Variants in ITPR2 observed in about 807,000 individuals in gnomAD.
ITPR2 encodes inositol 1,4,5-trisphosphate-gated calcium channel ITPR2.
In ITPR2, 207 loss-of-function variants were observed where a neutral mutation model predicts 317.1. The ratio of observed to expected loss-of-function variants is 0.65; its 90% confidence interval spans 0.58 to 0.73. The LOEUF (loss-of-function observed/expected upper bound fraction) is 0.73. ITPR2 is among the 30% of genes least tolerant of loss of function. The pLI, the probability that ITPR2 is intolerant of heterozygous loss-of-function variation, is 0.00. For synonymous variants in ITPR2, 1,156 were observed against 1,149.1 expected (o/e 1.01, Z -0.12); for missense variants, 2,613 against 3,284.0 (o/e 0.80, Z 4.99).
At chr12:26,604,697 T>C (rs779042478) in intron 26 of ITPR2, among the ~76,000 whole-genome samples, 14 of 152,132 alleles carry the variant, frequency 9.2e-5, no homozygotes, top group Non-Finnish European at 4.4e-5. Context: ...TAATGAATAT[T>C]TGGACAGAAA....
At chr12:26,743,421 C>A (rs1258147345) in intron 2 of ITPR2, among the ~76,000 whole-genome samples, 1 of 152,010 alleles carries the variant, frequency 6.6e-6, no homozygotes, top group East Asian at 1.9e-4. Flanking sequence ...TGAGCTCGCA[C>A]TTAAGATTTA....
intron 49 of ITPR2, among the ~76,000 whole-genome samples, chr12:26,425,858 T>C (rs1367584628): frequency 6.6e-6 from 1 of 152,208 alleles, no homozygotes; most frequent in Non-Finnish European, 1.5e-5. Context: ...TTGCCTCTTC[T>C]ATGAAGAGTC....
intron 51 of ITPR2, among the ~76,000 whole-genome samples, chr12:26,414,163 T>A (rs1940648750): frequency 6.6e-6 from 1 of 151,008 alleles, no homozygotes; most frequent in Non-Finnish European, 1.5e-5. Context: ...AGAAAGACAG[T>A]AACAGAAAAT....
intron 45 of ITPR2, among the ~76,000 whole-genome samples, chr12:26,458,573 G>C (rs7301854): frequency 0.039 from 5,943 of 152,202 alleles, 144 homozygotes; most frequent in Middle Eastern, 0.11. Context: ...AAACACGAGG[G>C]CGTCATCAAC....
chr12:26,710,461 A>G (rs1948626363), intron 9 of ITPR2, among the ~76,000 whole-genome samples: 2 of 152,184 alleles, frequency 1.3e-5, no homozygotes. Context: ...CTATCCATTC[A>G]CAAAATAGTC....
At chr12:26,491,313 C>G (rs1345952467) in intron 39 of ITPR2, among the ~76,000 whole-genome samples, 1 of 151,602 alleles carries the variant, frequency 6.6e-6, no homozygotes, top group Non-Finnish European at 1.5e-5. Flanking sequence ...GAAACCCCGT[C>G]TCTACTAAAA....
rs150888054 is a variant in ITPR2 at position 26,392,073 on chromosome 12, C to T, written c.7697-4479G>A. 1.4e-4 allele frequency among the ~76,000 whole-genome samples: 22 copies of T among 152,286 alleles called. No individual in the cohort carries two copies. In the East Asian group the frequency reaches 4.2e-3, roughly 29 times the overall value. Reference sequence around the variant, plus strand: ...CTCTCTAAGCTTCATCATCCATTCTCACGGTTTTACCATCATCTTGCTGAT... The same window carrying T: ...CTCTCTAAGCTTCATCATCCATTCTTACGGTTTTACCATCATCTTGCTGAT... On this transcript the variant is annotated intron_variant, in intron 54 of 56. Transcript: ENST00000381340.
intron 55 of ITPR2, among the ~76,000 whole-genome samples, chr12:26,361,577 C>A (rs1451323740): frequency 6.6e-6 from 1 of 152,146 alleles, no homozygotes; most frequent in Non-Finnish European, 1.5e-5. Context: ...ATTATTTTAA[C>A]CTAAGATACA....
intron 55 of ITPR2, among the ~76,000 whole-genome samples, chr12:26,342,262 G>A (rs1938141086): frequency 6.6e-6 from 1 of 151,376 alleles, no homozygotes; most frequent in African/African-American, 2.4e-5. Context: ...GAAGGAGGGA[G>A]GAGAACAGAC....
intron 15 of ITPR2, 139 bp downstream of exon 15, chr12:26,663,546 T>G: frequency 1.3e-6 from 1 of 791,702 alleles, no homozygotes; most frequent in Non-Finnish European, 2.0e-6. Flanking sequence ...CAAATCATTT[T>G]TATGTATTGC....
chr12:26,498,212 T>C (rs991384129), intron 37 of ITPR2, among the ~76,000 whole-genome samples: 2 of 152,232 alleles, frequency 1.3e-5, no homozygotes, highest in Admixed American at 1.3e-4. Context: ...AGGTGGTGAC[T>C]AGTCTCAAAA....
rs1266859974 is a variant in ITPR2 at position 26,624,787 on chromosome 12, A to AC, written c.3065-432_3065-431insG. 2.0e-5 allele frequency among the ~76,000 whole-genome samples: 3 copies of AC among 152,024 alleles called. No individual in the cohort carries two copies. In the East Asian group the frequency reaches 5.8e-4, roughly 29 times the overall value. On this transcript the variant is annotated intron_variant, in intron 23 of 56. Transcript: ENST00000381340. ...GTTTCGAGGTTTCTCAAAAAAAAAAAAAAACTAAAAATTGAGCTACCATAT... is the reference window on the plus strand; with the variant it reads ...GTTTCGAGGTTTCTCAAAAAAAAAAACAAAACTAAAAATTGAGCTACCATAT...
At chr12:26,548,239 T>C (rs2134328) in intron 37 of ITPR2, among the ~76,000 whole-genome samples, 53,112 of 152,086 alleles carry the variant, frequency 0.35, 11,510 homozygotes, top group South Asian at 0.49. Flanking sequence ...TGAGGCTTGA[T>C]TGGATTTTTG....
At chr12:26,770,730 C>T (rs1280728474) in intron 2 of ITPR2, among the ~76,000 whole-genome samples, 9 of 152,316 alleles carry the variant, frequency 5.9e-5, no homozygotes, top group African/African-American at 1.7e-4. Context: ...GCCCACTAAC[C>T]ACCATGTTCC....
chr12:26,414,801 A>G (rs1049861249), intron 51 of ITPR2, among the ~76,000 whole-genome samples: 4 of 152,138 alleles, frequency 2.6e-5, no homozygotes, highest in Non-Finnish European at 4.4e-5. Context: ...TATTTTGAGC[A>G]TGTCTTCCTT....
At chr12:26,563,345 G>A (rs1424556441) in intron 34 of ITPR2, among the ~76,000 whole-genome samples, 10 of 152,322 alleles carry the variant, frequency 6.6e-5, no homozygotes, top group Admixed American at 2.6e-4. Flanking sequence ...GCCGAGGCAG[G>A]CGGATCACAA....
Position 26,576,632 on chromosome 12 carries a change from A to T in ITPR2, c.4630+2081T>A, listed in dbSNP as rs114334000. Among the ~76,000 whole-genome samples the T allele has an allele frequency of 8.0e-3, 1,224 of 152,276 alleles. 8 individuals are homozygous for T. The highest frequency in any genetic ancestry group is 0.018 in the African/African-American group (760 of 41,564). ...ACTGCCTGCAGAGAATCAGAACTCA[A>T]GTGGAGTGAGGAGGGTGTCCATGCG... On this transcript the variant is annotated intron_variant, in intron 34 of 56. Coordinates refer to ENST00000381340, the MANE Select transcript of ITPR2 (RefSeq NM_002223.4).
intron 35 of ITPR2, among the ~76,000 whole-genome samples, chr12:26,558,279 G>A (rs1014105949): frequency 4.6e-5 from 7 of 152,158 alleles, no homozygotes; most frequent in Non-Finnish European, 8.8e-5. Flanking sequence ...GCTGTGATGT[G>A]AATTCTGTCT....
intron 26 of ITPR2, among the ~76,000 whole-genome samples, chr12:26,608,728 T>C (rs1591957596): frequency 6.6e-6 from 1 of 151,876 alleles, no homozygotes; most frequent in African/African-American, 2.4e-5. Context: ...CAGCCTTGTG[T>C]GTGATCTTTC....
Sources: allele counts gnomAD v4.1 joint callset (sites outside exome capture counted in the v4.1 genomes callset), GRCh38; gene constraint gnomAD v4.1.1; transcripts MANE v1.5; gene names NCBI Gene and HGNC (gene_info 2026-07-23, HGNC 2026-07-21).